Variants in KCNH7 observed in about 807,000 individuals in gnomAD.
KCNH7 encodes the protein potassium voltage-gated channel subfamily H member 7.
KCNH7 carries 49 observed loss-of-function variants against 120.8 expected under a neutral mutation model. The ratio of observed to expected loss-of-function variants is 0.41; its 90% CI spans 0.32 to 0.51. The LOEUF (loss-of-function observed/expected upper bound fraction) is 0.51, where lower values mean the gene tolerates loss of function less well. Among genes scored for constraint, KCNH7 ranks in the 20% least tolerant of loss-of-function variants. KCNH7 has a pLI of 0.38. For missense variants in KCNH7, 1,097 were observed against 1,446.6 expected, an observed-to-expected ratio of 0.76 and a Z score of 3.92; for synonymous variants, 547 against 516.1, an observed-to-expected ratio of 1.06 and a Z score of -0.81.
chr2:162,745,813 G>C (rs1169177476), intron 2 of KCNH7, among the ~76,000 whole-genome samples: 1 of 151,720 alleles, frequency 6.6e-6, no homozygotes, highest in African/African-American at 2.4e-5. Context: ...ATATGTCTTA[G>C]ATTTTTTTCC....
chr2:162,512,524 C>T, intron 5 of KCNH7, 130 bp downstream of exon 5: 3 of 687,092 alleles, frequency 4.4e-6, no homozygotes, highest in Non-Finnish European at 7.4e-6. Flanking sequence ...GATGTCTCCA[C>T]CAGGCACCCC....
In KCNH7 at chr2:162,838,713, C is replaced by G. The variant is rs539664060; in HGVS notation, c.-195G>C. ...CCACCGGAGTCCAATCCATTCCCCTCACCTTCCGGAGGGGGCCTCGCACCG... is the reference window on the plus strand; with the variant it reads ...CCACCGGAGTCCAATCCATTCCCCTGACCTTCCGGAGGGGGCCTCGCACCG... On this transcript the variant is annotated 5_prime_UTR_variant, in exon 1 of 16. Coordinates refer to ENST00000332142, the MANE Select transcript of KCNH7 (RefSeq NM_033272.4). The G allele has an allele frequency of 7.8e-4, 352 of 451,926 alleles. 9 individuals are homozygous for G. The South Asian group carries it at 0.012, about 16-fold the overall frequency. The allele number at this position is 451,926 out of a possible 1,614,324, so 28.0% of individuals were successfully genotyped here.
At chr2:162,555,328 G>A (rs909380015) in intron 2 of KCNH7, among the ~76,000 whole-genome samples, 5 of 152,296 alleles carry the variant, frequency 3.3e-5, no homozygotes, top group African/African-American at 1.2e-4. Context: ...AGGGATTGAA[G>A]ATAAGAGACA....
chr2:162,648,086 C>G (rs539729257), intron 2 of KCNH7, among the ~76,000 whole-genome samples: 2 of 152,110 alleles, frequency 1.3e-5, no homozygotes, highest in Non-Finnish European at 2.9e-5. Context: ...ATTAACTAAA[C>G]TTTAACACTG....
intron 11 of KCNH7, among the ~76,000 whole-genome samples, chr2:162,395,351 G>A (rs1016605126): frequency 2.0e-5 from 3 of 151,634 alleles, no homozygotes; most frequent in Admixed American, 6.6e-5. Context: ...AAATGACATG[G>A]TAATTATCGT....
chr2:162,664,878 T>C (rs1421915687), intron 2 of KCNH7, among the ~76,000 whole-genome samples: 2 of 152,094 alleles, frequency 1.3e-5, no homozygotes, highest in Non-Finnish European at 2.9e-5. Context: ...TGATCTGGCT[T>C]CCCAGCCCTT....
chr2:162,799,586 C>T (rs896891124), intron 2 of KCNH7, among the ~76,000 whole-genome samples: 1 of 151,768 alleles, frequency 6.6e-6, no homozygotes, highest in Admixed American at 6.6e-5. Flanking sequence ...AAACAATATT[C>T]ATAAAATTAG....
intron 2 of KCNH7, among the ~76,000 whole-genome samples, chr2:162,602,407 A>T (rs1461781230): frequency 6.6e-6 from 1 of 152,086 alleles, no homozygotes; most frequent in Non-Finnish European, 1.5e-5. Flanking sequence ...CTAAATATTA[A>T]GTTCTCTCCA....
chr2:162,787,106 G>A (rs1396039890), intron 2 of KCNH7, among the ~76,000 whole-genome samples: 13 of 152,212 alleles, frequency 8.5e-5, no homozygotes, highest in Non-Finnish European at 5.9e-5. Context: ...CTGGTGCCAG[G>A]CTAGGCCCTG....
chr2:162,465,519 A>G (rs1036199089), intron 6 of KCNH7, among the ~76,000 whole-genome samples: 1 of 152,214 alleles, frequency 6.6e-6, no homozygotes, highest in African/African-American at 2.4e-5. Flanking sequence ...AGGTTTCTGC[A>G]TACAAAAATT....
chr2:162,403,037 A>C (rs1687109712), intron 9 of KCNH7, among the ~76,000 whole-genome samples: 1 of 151,982 alleles, frequency 6.6e-6, no homozygotes, highest in African/African-American at 2.4e-5. Flanking sequence ...AAGCTAAATT[A>C]ATAACATGTA....
At chr2:162,461,400 T>C (rs1003734999) in intron 6 of KCNH7, among the ~76,000 whole-genome samples, 3 of 152,212 alleles carry the variant, frequency 2.0e-5, no homozygotes, top group Non-Finnish European at 4.4e-5. Context: ...CAAATGTATA[T>C]AGTTCCACAT....
Position 162,641,348 on chromosome 2 carries a change from A to G in KCNH7, c.308-104268T>C, listed in dbSNP as rs147410724. ...AATAAAATGAACTACTGATATATGC[A>G]AAAACCTGAGTTAATATGCAGAAAA... On this transcript the variant is annotated intron_variant, in intron 2 of 15. Coordinates refer to ENST00000332142, the MANE Select transcript of KCNH7 (RefSeq NM_033272.4). 5.7e-3 allele frequency among the ~76,000 whole-genome samples: 872 copies of G among 152,306 alleles called. 8 individuals carry two copies. Among genetic ancestry groups the G allele is most frequent in the African/African-American group, 0.02 (823 of 41,560 alleles).
chr2:162,589,650 A>G (rs1694138826), intron 2 of KCNH7, among the ~76,000 whole-genome samples: 1 of 152,100 alleles, frequency 6.6e-6, no homozygotes, highest in Admixed American at 6.6e-5. Context: ...GAGCAGCTTC[A>G]TCATGCATTT....
At chr2:162,390,833 C>T (rs1033799570) in intron 12 of KCNH7, among the ~76,000 whole-genome samples, 9 of 151,892 alleles carry the variant, frequency 5.9e-5, no homozygotes, top group Admixed American at 5.3e-4. Flanking sequence ...AACAAGCCAC[C>T]GTCATCAACA....
At chr2:162,782,499 C>A (rs904874008) in intron 2 of KCNH7, among the ~76,000 whole-genome samples, 1 of 152,094 alleles carries the variant, frequency 6.6e-6, no homozygotes, top group Non-Finnish European at 1.5e-5. Context: ...TTTCAAGGAA[C>A]AATGAGAAGG....
At chr2:162,640,332 T>C (rs1170679303) in intron 2 of KCNH7, among the ~76,000 whole-genome samples, 1 of 152,122 alleles carries the variant, frequency 6.6e-6, no homozygotes, top group Non-Finnish European at 1.5e-5. Context: ...GATTGCATGT[T>C]ATTAGTGGAA....
chr2:162,712,763 A>C (rs1014838538), intron 2 of KCNH7, among the ~76,000 whole-genome samples: 1 of 152,192 alleles, frequency 6.6e-6, no homozygotes, highest in Non-Finnish European at 1.5e-5. Flanking sequence ...ACCATTTAAA[A>C]AGCATAGAAG....
At chr2:162,718,694 T>C (rs1297045029) in intron 2 of KCNH7, among the ~76,000 whole-genome samples, 1 of 152,008 alleles carries the variant, frequency 6.6e-6, no homozygotes, top group East Asian at 1.9e-4. Flanking sequence ...ATATTTATAT[T>C]ATGATATATT....
Sources: allele counts gnomAD v4.1 joint callset (sites outside exome capture counted in the v4.1 genomes callset), GRCh38; gene constraint gnomAD v4.1.1; transcripts MANE v1.5; gene names NCBI Gene and HGNC (gene_info 2026-07-23, HGNC 2026-07-21).